TRERF1: variants seen among roughly 807,000 people sequenced by gnomAD.
TRERF1 encodes transcriptional-regulating factor 1.
TRERF1 carries 27 observed loss-of-function variants against 122.9 expected under a neutral mutation model. That is an observed-to-expected ratio of 0.22 (90% CI 0.16 to 0.30). The LOEUF (loss-of-function observed/expected upper bound fraction) is 0.30. Among genes scored for constraint, TRERF1 ranks in the 10% least tolerant of loss-of-function variants. The probability of loss-of-function intolerance (pLI) is 1.00; values close to 1 mark genes in which losing one functional copy is unlikely to be tolerated. For synonymous variants in TRERF1, 636 were observed against 641.7 expected (o/e 0.99, Z 0.13); for missense variants, 1,248 against 1,560.3 (o/e 0.80, Z 3.37).
chr6:42,412,774 A>C (rs963720188), intron 2 of TRERF1, among the ~76,000 whole-genome samples: 3 of 152,076 alleles, frequency 2.0e-5, no homozygotes, highest in South Asian at 4.1e-4. Flanking sequence ...AAAACAAAAA[A>C]AAATTAATTA....
chr6:42,385,665 A>G (rs1776678354), intron 2 of TRERF1, among the ~76,000 whole-genome samples: 2 of 152,128 alleles, frequency 1.3e-5, no homozygotes, highest in Admixed American at 1.3e-4. Flanking sequence ...GCAGTGTTTT[A>G]ATGGCATATT....
rs1234227922 is a variant in TRERF1, at chr6:42,263,834, G to T, written c.1636-266C>A. Among the ~76,000 whole-genome samples, 1 of 152,196 alleles carries T rather than the reference G, an allele frequency of 6.6e-6. No homozygotes were observed. Among genetic ancestry groups the T allele is most frequent in the Non-Finnish European group, 1.5e-5 (1 of 68,032 alleles). On this transcript the variant is annotated intron_variant, in intron 7 of 17. Transcript: ENST00000372922. This position sits in a 1 kb window ranked among gnomAD's most constrained non-coding sequence, Gnocchi z 5.6. ...ACTATTTTAAAAAAATTGTGTGGTT[G>T]TCATGCTTTTAAAGAAAGGGACACG...
chr6:42,233,478 G>A (rs886318047), intron 16 of TRERF1, among the ~76,000 whole-genome samples: 1 of 151,802 alleles, frequency 6.6e-6, no homozygotes, highest in African/African-American at 2.4e-5. Flanking sequence ...GTAGAGACAG[G>A]GTTTCACCGT....
In TRERF1 at chr6:42,268,596, A is replaced by G. The variant is rs935660843; in HGVS notation, c.995T>C (p.Met332Thr). ...CTGCTGCTCTTGCAAGTGCTGCATC[A>G]TGGGTTGGGGCTGATAATACTGAGG... is the stretch of plus-strand genomic sequence containing the variant. Residue 332 changes from methionine (M) to threonine (T), a missense_variant, in exon 5 of 18, where the codon ATG (methionine) becomes ACG (threonine). Coordinates refer to ENST00000372922, the Ensembl canonical transcript of TRERF1. The surrounding 1 kb of genome is among the most constrained non-coding windows in gnomAD (Gnocchi z 4.4). The G allele has an allele frequency of 2.5e-6, 4 of 1,614,090 alleles. No homozygotes were observed. Among genetic ancestry groups the G allele is most frequent in the Non-Finnish European group, 3.4e-6 (4 of 1,179,960 alleles).
intron 6 of TRERF1, 136 bp downstream of exon 6, chr6:42,265,615 C>CA: frequency 2.0e-6 from 2 of 998,900 alleles, no homozygotes; most frequent in Admixed American, 4.4e-5. Flanking sequence ...AGTATGCACT[C>CA]AAACACAACA....
At chr6:42,425,700 C>T (rs1465663735) in intron 2 of TRERF1, among the ~76,000 whole-genome samples, 1 of 151,798 alleles carries the variant, frequency 6.6e-6, no homozygotes, top group African/African-American at 2.4e-5. Context: ...CCAGCCACCA[C>T]GCCCAGCTAA....
chr6:42,246,202 T>G (rs1462917959), intron 14 of TRERF1, among the ~76,000 whole-genome samples: 1 of 152,196 alleles, frequency 6.6e-6, no homozygotes, highest in African/African-American at 2.4e-5. Context: ...TTACACATTT[T>G]TATTAAGATA....
At chr6:42,337,950 C>T (rs766798549) in intron 3 of TRERF1, among the ~76,000 whole-genome samples, 1 of 152,186 alleles carries the variant, frequency 6.6e-6, no homozygotes, top group Non-Finnish European at 1.5e-5. Context: ...ACAGCAGCAG[C>T]AGCACCTAGG....
intron 4 of TRERF1, among the ~76,000 whole-genome samples, chr6:42,288,919 A>G (rs1582836930): frequency 1.3e-5 from 2 of 151,212 alleles, no homozygotes; most frequent in South Asian, 4.2e-4. Flanking sequence ...GGCTCCCCTG[A>G]AGAGCAGGGG....
At chr6:42,402,410 C>T (rs1163790019) in intron 2 of TRERF1, among the ~76,000 whole-genome samples, 1 of 152,062 alleles carries the variant, frequency 6.6e-6, no homozygotes, top group South Asian at 2.1e-4. Flanking sequence ...AGAGAAACAC[C>T]GGGTGCAGGG....
chr6:42,251,172 T>C (rs1775735889), intron 13 of TRERF1, among the ~76,000 whole-genome samples: 1 of 151,696 alleles, frequency 6.6e-6, no homozygotes, highest in South Asian at 2.1e-4. Flanking sequence ...ATTTTTGTAT[T>C]TTTAGTACAG....
In TRERF1 at chr6:42,259,539, G is replaced by T; in HGVS notation, c.2069C>A (p.Pro690Gln). The T allele has an allele frequency of 1.2e-6, 2 of 1,613,476 alleles. No individual in the cohort carries two copies. The highest frequency in any genetic ancestry group is 1.7e-6 in the Non-Finnish European group (2 of 1,179,802). ...GAGCAGGTGGTCCCCGAGGACGCGC[G>T]GGGAGCGCAGCTGGCTCTGGTACAG... Residue 690 changes from proline (P) to glutamine (Q), a missense_variant, in exon 9 of 18, where the codon CCG becomes CAG. Pro to Gln is a moderately conservative substitution (Grantham distance 76). Around this residue, in one of 5 missense-constraint regions of TRERF1, gnomAD observed 946 missense variants for 1,073.0 expected, o/e 0.88. Transcript: ENST00000372922. This position sits in a 1 kb window ranked among gnomAD's most constrained non-coding sequence, Gnocchi z 4.9.
chr6:42,249,275 G>C (rs1405762241), intron 13 of TRERF1, among the ~76,000 whole-genome samples: 1 of 152,156 alleles, frequency 6.6e-6, no homozygotes, highest in African/African-American at 2.4e-5. Flanking sequence ...TTAGAGTGCA[G>C]CTCTGAGACA....
chr6:42,382,265 G>A (rs1776072862), intron 2 of TRERF1, among the ~76,000 whole-genome samples: 2 of 151,742 alleles, frequency 1.3e-5, no homozygotes, highest in African/African-American at 4.8e-5. Context: ...TCACCATGTG[G>A]GGAGCACGGA....
chr6:42,440,941 A>G (rs1786399934), intron 2 of TRERF1, among the ~76,000 whole-genome samples: 1 of 152,166 alleles, frequency 6.6e-6, no homozygotes, highest in African/African-American at 2.4e-5. Context: ...CACGTGCGCT[A>G]AGCTCTGTTA....
intron 3 of TRERF1, among the ~76,000 whole-genome samples, chr6:42,310,719 G>A (rs958575558): frequency 6.6e-6 from 1 of 152,176 alleles, no homozygotes; most frequent in African/African-American, 2.4e-5. Flanking sequence ...GTAGCAGGAG[G>A]CTAAGGAGGC....
intron 2 of TRERF1, among the ~76,000 whole-genome samples, chr6:42,438,956 A>T (rs1290256185): frequency 6.6e-6 from 1 of 152,170 alleles, no homozygotes; most frequent in Non-Finnish European, 1.5e-5. Context: ...AACAGAGTGG[A>T]GAGTGGAAAG....
intron 13 of TRERF1, 60 bp downstream of exon 13, chr6:42,254,791 C>T (rs373987629): frequency 5.1e-5 from 77 of 1,510,902 alleles, no homozygotes; most frequent in Non-Finnish European, 6.3e-5. Context: ...GTGACACAAC[C>T]GAACATGCAA....
At chr6:42,293,458 G>C (rs1327371965) in intron 4 of TRERF1, among the ~76,000 whole-genome samples, 1 of 152,200 alleles carries the variant, frequency 6.6e-6, no homozygotes, top group African/African-American at 2.4e-5. Context: ...CACATGGCTT[G>C]AGTGTTGTCC....
Sources: gnomAD v4.1 joint callset for allele counts (sites outside exome capture counted in the v4.1 genomes callset) on GRCh38, gnomAD v4.1.1 for gene constraint, gnomAD v4.1.1 regional missense constraint, Gnocchi (gnomAD v3.1) non-coding constraint, MANE v1.5 for transcripts, NCBI Gene and HGNC (gene_info 2026-07-23, HGNC 2026-07-21) for gene names.